DISC1: variants seen among roughly 807,000 people sequenced by gnomAD.
The protein encoded by DISC1 is disrupted in schizophrenia 1 protein.
DISC1 carries 57 observed loss-of-function variants against 84.5 expected under a neutral mutation model. That is an observed-to-expected ratio of 0.67 (90% CI 0.55 to 0.84). The LOEUF (loss-of-function observed/expected upper bound fraction) is 0.84, where lower values mean the gene tolerates loss of function less well. DISC1 is among the 40% of genes least tolerant of loss of function. The pLI, the probability that DISC1 is intolerant of heterozygous loss-of-function variation, is 0.00. For synonymous variants in DISC1, 411 were observed against 415.2 expected (o/e 0.99, Z 0.12); for missense variants, 1,000 against 1,057.8 (o/e 0.95, Z 0.76).
At chr1:231,636,684 C>G (rs2059229217) in intron 1 of DISC1, among the ~76,000 whole-genome samples, 1 of 152,056 alleles carries the variant, frequency 6.6e-6, no homozygotes, top group African/African-American at 2.4e-5. Context: ...TTCAAGGAGT[C>G]AGAACAGGCT....
intron 10 of DISC1, among the ~76,000 whole-genome samples, chr1:231,977,631 T>A (rs1662997650): frequency 6.6e-6 from 1 of 152,208 alleles, no homozygotes; most frequent in Middle Eastern, 3.2e-3. Context: ...CTCTTTGGCA[T>A]GTAAGATAAA....
chr1:231,834,563 T>C (rs941095570), intron 9 of DISC1, among the ~76,000 whole-genome samples: 2 of 152,150 alleles, frequency 1.3e-5, no homozygotes, highest in Admixed American at 6.5e-5. Context: ...ACTGTCGAGT[T>C]TGCATTGGGG....
At chr1:231,731,221 G>C (rs546839737) in intron 3 of DISC1, among the ~76,000 whole-genome samples, 41 of 152,348 alleles carry the variant, frequency 2.7e-4, no homozygotes, top group African/African-American at 9.6e-4. Flanking sequence ...GAGGGTTCTT[G>C]GCTTTGCCCA....
chr1:231,885,711 A>C (rs763760575), intron 9 of DISC1, among the ~76,000 whole-genome samples: 13 of 152,206 alleles, frequency 8.5e-5, no homozygotes, highest in Non-Finnish European at 1.2e-4. Context: ...GCATTTCATG[A>C]ATGAGACTCT....
intron 2 of DISC1, 68 bp from the exon 3 acceptor site, chr1:231,701,887 G>A: frequency 1.5e-6 from 2 of 1,361,418 alleles, no homozygotes; most frequent in Non-Finnish European, 2.0e-6. Flanking sequence ...AATGTTCTTA[G>A]TTTTCACAAA....
chr1:231,637,656 T>C (rs2059312652), intron 1 of DISC1, among the ~76,000 whole-genome samples: 1 of 152,254 alleles, frequency 6.6e-6, no homozygotes, highest in Non-Finnish European at 1.5e-5. Context: ...CCATCGATGT[T>C]GTTGGAAAAG....
chr1:231,832,789 T>C (rs1342685358), intron 9 of DISC1, among the ~76,000 whole-genome samples: 2 of 148,424 alleles, frequency 1.3e-5, no homozygotes, highest in East Asian at 4.0e-4. Flanking sequence ...ACAATTTCAT[T>C]GATAAGGCGC....
At chr1:232,019,638 CAG>C (rs1376185485) in intron 11 of DISC1, among the ~76,000 whole-genome samples, 1 of 152,096 alleles carries the variant, frequency 6.6e-6, no homozygotes, top group Non-Finnish European at 1.5e-5. Context: ...GAGAGACACT[CAG>C]TGTGTGAAAT....
intron 9 of DISC1, among the ~76,000 whole-genome samples, chr1:231,941,719 C>T (rs1331657527): frequency 6.6e-6 from 1 of 152,186 alleles, no homozygotes; most frequent in Non-Finnish European, 1.5e-5. Flanking sequence ...GATCTGCCTG[C>T]CTCAGCCTCC....
At chr1:231,674,820 A>G (rs1477260383) in intron 1 of DISC1, among the ~76,000 whole-genome samples, 1 of 152,236 alleles carries the variant, frequency 6.6e-6, no homozygotes, top group African/African-American at 2.4e-5. Flanking sequence ...ACAGAAAAAA[A>G]TTCCCCAGAT....
intron 3 of DISC1, among the ~76,000 whole-genome samples, chr1:231,705,269 C>T (rs1171741528): frequency 5.3e-5 from 6 of 112,158 alleles, no homozygotes; most frequent in African/African-American, 2.2e-4. Flanking sequence ...GCCCGGGCAA[C>T]AGTGGGAGCG....
chr1:231,715,197 A>C (rs2068523391), intron 3 of DISC1, among the ~76,000 whole-genome samples: 1 of 152,202 alleles, frequency 6.6e-6, no homozygotes, highest in African/African-American at 2.4e-5. Context: ...AGGTGGGTAC[A>C]TCTGTTAGGA....
chr1:231,870,498 G>A (rs372528929), intron 9 of DISC1, among the ~76,000 whole-genome samples: 4 of 152,176 alleles, frequency 2.6e-5, no homozygotes, highest in Admixed American at 6.5e-5. Flanking sequence ...GTCTCTGAGC[G>A]GCCCGAGCTG....
intron 4 of DISC1, 104 bp downstream of exon 4, chr1:231,750,180 C>G: frequency 6.7e-7 from 1 of 1,486,544 alleles, no homozygotes; most frequent in Middle Eastern, 2.5e-4. Flanking sequence ...AGACCCTTGG[C>G]TGCCTTTCCT....
At chr1:231,738,229 G>A (rs533842198) in intron 3 of DISC1, among the ~76,000 whole-genome samples, 9 of 152,184 alleles carry the variant, frequency 5.9e-5, no homozygotes, top group South Asian at 2.1e-4. Context: ...TCCAAGTCAT[G>A]AAGTCAGCAT....
intron 9 of DISC1, among the ~76,000 whole-genome samples, chr1:231,957,256 C>T (rs773930868): frequency 3.9e-5 from 6 of 152,186 alleles, no homozygotes; most frequent in Non-Finnish European, 5.9e-5. Context: ...CTGCCTACTC[C>T]ATTCACAAGA....
At chr1:231,740,466 A>G (rs2073102397) in intron 3 of DISC1, among the ~76,000 whole-genome samples, 1 of 152,118 alleles carries the variant, frequency 6.6e-6, no homozygotes, top group Non-Finnish European at 1.5e-5. Context: ...ATGACTCAGG[A>G]GCAGAGTGCT....
chr1:231,637,789 G>A (rs1475678604), intron 1 of DISC1, among the ~76,000 whole-genome samples: 1 of 152,146 alleles, frequency 6.6e-6, no homozygotes, highest in Non-Finnish European at 1.5e-5. Flanking sequence ...TGTGAATATT[G>A]CTGTGATAAA....
intron 3 of DISC1, among the ~76,000 whole-genome samples, chr1:231,730,247 C>G (rs563579033): frequency 6.6e-6 from 1 of 152,238 alleles, no homozygotes; most frequent in Non-Finnish European, 1.5e-5. Flanking sequence ...TGAATTCATT[C>G]ATTTGTATGA....
Sources: gnomAD v4.1 joint callset for allele counts (sites outside exome capture counted in the v4.1 genomes callset) on GRCh38, gnomAD v4.1.1 for gene constraint, MANE v1.5 for transcripts, NCBI Gene and HGNC (gene_info 2026-07-23, HGNC 2026-07-21) for gene names.